The following RAD51B variants were observed in gnomAD, a reference collection of about 807,000 sequenced individuals.
The protein encoded by RAD51B is RAD51 paralog B.
In RAD51B, 38 loss-of-function variants were observed where a neutral mutation model predicts 42.2. That is an observed-to-expected ratio of 0.90 (90% CI 0.70 to 1.18). The LOEUF is 1.18. RAD51B is among the 50% of genes most tolerant of loss of function. The probability of loss-of-function intolerance (pLI) is 0.00; values close to 1 mark genes in which losing one functional copy is unlikely to be tolerated. For missense variants in RAD51B, 373 were observed against 400.7 expected, an observed-to-expected ratio of 0.93 and a Z score of 0.59; for synonymous variants, 154 against 145.2, an observed-to-expected ratio of 1.06 and a Z score of -0.43.
chr14:68,633,671 C>T (rs187015797), intron 10 of RAD51B, among the ~76,000 whole-genome samples: 159 of 152,332 alleles, frequency 1.0e-3, no homozygotes, highest in South Asian at 9.5e-3. Context: ...CAGAAAAGCC[C>T]GAAACCCAGG....
At chr14:67,931,447 T>G (rs1344599705) in intron 7 of RAD51B, among the ~76,000 whole-genome samples, 1 of 151,964 alleles carries the variant, frequency 6.6e-6, no homozygotes, top group Non-Finnish European at 1.5e-5. Context: ...AATTCTCTTG[T>G]ATCTCATTGG....
chr14:68,232,136 TG>T (rs2080161808), intron 7 of RAD51B, among the ~76,000 whole-genome samples: 1 of 152,178 alleles, frequency 6.6e-6, no homozygotes, highest in African/African-American at 2.4e-5. Context: ...AAATATTACA[TG>T]TTAAACAGCA....
intron 7 of RAD51B, among the ~76,000 whole-genome samples, chr14:68,109,424 ATG>A (rs1365494246): frequency 1.3e-5 from 2 of 151,908 alleles, no homozygotes; most frequent in African/African-American, 4.8e-5. Flanking sequence ...TGCTAATGAG[ATG>A]TGTGAGTGTC....
chr14:68,574,401 T>G (rs1384477896), intron 10 of RAD51B, among the ~76,000 whole-genome samples: 1 of 152,178 alleles, frequency 6.6e-6, no homozygotes, highest in Admixed American at 6.5e-5. Context: ...GCTACTTCCT[T>G]CACTATCAGC....
At chr14:68,583,889 C>G (rs1890326805) in intron 10 of RAD51B, among the ~76,000 whole-genome samples, 1 of 152,024 alleles carries the variant, frequency 6.6e-6, no homozygotes, top group African/African-American at 2.4e-5. Flanking sequence ...ATTCCTTTAA[C>G]CTGTGGACAC....
chr14:68,584,683 G>C (rs534454329), intron 10 of RAD51B, among the ~76,000 whole-genome samples: 1 of 152,228 alleles, frequency 6.6e-6, no homozygotes, highest in South Asian at 2.1e-4. Context: ...CTCCATAAAA[G>C]GTTCCCAACA....
intron 10 of RAD51B, among the ~76,000 whole-genome samples, chr14:68,609,362 T>C (rs1217083071): frequency 6.6e-6 from 1 of 152,018 alleles, no homozygotes; most frequent in Non-Finnish European, 1.5e-5. Context: ...CTCTACCTTC[T>C]ACCTGCAGAA....
chr14:68,662,806 C>A (rs917823663), intron 11 of RAD51B, among the ~76,000 whole-genome samples: 3 of 152,192 alleles, frequency 2.0e-5, no homozygotes, highest in African/African-American at 7.2e-5. Flanking sequence ...AGAAATTAAC[C>A]CTGAGTTCAA....
intron 10 of RAD51B, among the ~76,000 whole-genome samples, chr14:68,604,465 G>T (rs1891361287): frequency 6.6e-6 from 1 of 152,238 alleles, no homozygotes; most frequent in Non-Finnish European, 1.5e-5. Context: ...AGCCAGGCGG[G>T]GCTGCCTTTT....
At chr14:68,121,935 G>GAT (rs1250371391) in intron 7 of RAD51B, among the ~76,000 whole-genome samples, 1 of 151,648 alleles carries the variant, frequency 6.6e-6, no homozygotes, top group Non-Finnish European at 1.5e-5. Flanking sequence ...AGGAGTATAA[G>GAT]ATATATATAC....
chr14:68,105,165 G>A (rs953665883), intron 7 of RAD51B, among the ~76,000 whole-genome samples: 1 of 150,838 alleles, frequency 6.6e-6, no homozygotes, highest in Non-Finnish European at 1.5e-5. Context: ...TCTATTCGGA[G>A]ATAGCAATAT....
intron 7 of RAD51B, among the ~76,000 whole-genome samples, chr14:67,989,499 G>T (rs928960727): frequency 5.9e-5 from 9 of 151,954 alleles, no homozygotes; most frequent in Non-Finnish European, 1.3e-4. Flanking sequence ...TTAGCTGGGC[G>T]TGGTGGCACA....
At chr14:68,187,495 C>A (rs146575599) in intron 7 of RAD51B, among the ~76,000 whole-genome samples, 1 of 152,304 alleles carries the variant, frequency 6.6e-6, no homozygotes, top group East Asian at 1.9e-4. Context: ...TTCCCACAAC[C>A]TTTGTGATTA....
intron 7 of RAD51B, among the ~76,000 whole-genome samples, chr14:67,996,223 C>T (rs1051364861): frequency 2.0e-5 from 3 of 151,482 alleles, no homozygotes; most frequent in East Asian, 2.0e-4. Context: ...AAGTGAGACC[C>T]GGCCTCTACA....
chr14:67,906,154 C>T (rs987831930), intron 7 of RAD51B, among the ~76,000 whole-genome samples: 4 of 152,038 alleles, frequency 2.6e-5, no homozygotes, highest in African/African-American at 9.7e-5. Context: ...TTGAGTTGAT[C>T]ATGTGGTTTT....
intron 7 of RAD51B, among the ~76,000 whole-genome samples, chr14:67,932,694 G>A (rs1463856250): frequency 6.6e-6 from 1 of 152,106 alleles, no homozygotes; most frequent in Non-Finnish European, 1.5e-5. Flanking sequence ...AATGTTGATG[G>A]TGGCTGTGAT....
intron 7 of RAD51B, among the ~76,000 whole-genome samples, chr14:68,156,456 T>TCTCTCTCC (rs1555365432): frequency 1.2e-3 from 4 of 3,268 alleles, no homozygotes; most frequent in Non-Finnish European, 1.7e-3. Context: ...TTAGAAAATT[T>TCTCTCTCC]CTCTCTCTCT....
At chr14:68,425,574 C>G (rs768315869) in intron 9 of RAD51B, among the ~76,000 whole-genome samples, 2 of 152,296 alleles carry the variant, frequency 1.3e-5, no homozygotes, top group South Asian at 2.1e-4. Context: ...AGATGCTGGC[C>G]CCTTGATTTT....
intron 9 of RAD51B, among the ~76,000 whole-genome samples, chr14:68,429,871 A>G (rs2084954777): frequency 6.6e-6 from 1 of 150,792 alleles, no homozygotes; most frequent in Admixed American, 6.6e-5. Flanking sequence ...TAGGGTTTTT[A>G]TGGTTTTAGG....
Sources: allele counts gnomAD v4.1 joint callset (sites outside exome capture counted in the v4.1 genomes callset), GRCh38; gene constraint gnomAD v4.1.1; transcripts MANE v1.5; gene names NCBI Gene and HGNC (gene_info 2026-07-23, HGNC 2026-07-21).